ADGRG2: variants seen among roughly 807,000 people sequenced by gnomAD.
ADGRG2 encodes G protein-coupled receptor 64.
A neutral mutation model predicts 74.1 loss-of-function variants in ADGRG2; 26 were observed. That is an observed-to-expected ratio of 0.35 (90% CI 0.26 to 0.49). ADGRG2 has a LOEUF of 0.49. Among genes scored for constraint, ADGRG2 ranks in the 20% least tolerant of loss-of-function variants. The pLI is 0.99. For synonymous variants in ADGRG2, 296 were observed against 295.2 expected (o/e 1.00, Z -0.03); for missense variants, 619 against 763.1 (o/e 0.81, Z 2.22).
At chrX:19,039,078 T>G (rs768301924) in intron 4 of ADGRG2, among the ~76,000 whole-genome samples, 79 of 111,581 alleles carry the variant, frequency 7.1e-4, no homozygotes, top group African/African-American at 2.5e-3. Flanking sequence ...TCTTCACAAC[T>G]ACCCGACAAC....
chrX:19,036,814 C>G (rs1009002890), intron 6 of ADGRG2, among the ~76,000 whole-genome samples: 1 of 111,317 alleles, frequency 9.0e-6, no homozygotes, highest in African/African-American at 3.3e-5. Context: ...GATTGTTTAG[C>G]TCCTTAGCCA....
At chrX:19,044,234 T>C (rs1486154319) in intron 3 of ADGRG2, among the ~76,000 whole-genome samples, 1 of 111,381 alleles carries the variant, frequency 9.0e-6, no homozygotes, top group Admixed American at 9.6e-5. Flanking sequence ...TAGCAATACA[T>C]TGAGGGCCAT....
Position 19,010,117 on chromosome X carries a change from GT to G in ADGRG2, c.1266-336del, listed in dbSNP as rs1156836979. On this transcript the variant is annotated intron_variant, in intron 17 of 28. Transcript: ENST00000379869. ...AGCCATCGCGCCCAGCCTTGTTTTT[GT>G]TTTTGTTTTTTTTTTTTTTTGAGAC... is the stretch of plus-strand genomic sequence containing the variant. 5.1e-5 allele frequency among the ~76,000 whole-genome samples: 5 copies of G among 97,638 alleles called. No individual in the cohort carries two copies. The East Asian group carries it at 9.4e-4, about 18-fold the overall frequency. 84.8% of individuals were successfully genotyped at this position (97,638 alleles called of 115,157 possible).
chrX:19,112,984 A>G (rs1199541434), intron 1 of ADGRG2, among the ~76,000 whole-genome samples: 1 of 94,830 alleles, frequency 1.1e-5, no homozygotes, highest in Non-Finnish European at 1.9e-5. Flanking sequence ...AACAAAAAAA[A>G]AACCAAAAAA....
chrX:18,997,490 A>G (rs1175327776), intron 26 of ADGRG2, among the ~76,000 whole-genome samples: 1 of 112,200 alleles, frequency 8.9e-6, no homozygotes, highest in African/African-American at 3.2e-5. Flanking sequence ...CTTTTAAAGT[A>G]TCTATTACTT....
chrX:19,071,079 G>C (rs752475782), intron 2 of ADGRG2, among the ~76,000 whole-genome samples: 1 of 110,947 alleles, frequency 9.0e-6, no homozygotes, highest in Admixed American at 9.6e-5. Context: ...GAAAGAAAGG[G>C]GTTTTATAAG....
At chrX:19,118,136 C>T (rs1185321699) in intron 1 of ADGRG2, among the ~76,000 whole-genome samples, 2 of 111,288 alleles carry the variant, frequency 1.8e-5, no homozygotes, top group Non-Finnish European at 3.8e-5. Context: ...GGAAGCCTAG[C>T]CACTAAAGCA....
In ADGRG2 at chrX:19,010,697, T is replaced by C; in HGVS notation, c.1181A>G (p.Glu394Gly). ...GATCATTTCTCCTGCGAGGTTAGGC[T>C]CCAGGCTGCCCAAGGACAGAGCCTT... ...MEKALSLGSLEPNLAGEMINQ... is the reference protein window; with the variant it reads ...MEKALSLGSLGPNLAGEMINQ... The change falls in exon 17 of 29, where the codon GAG (glutamate) becomes GGG (glycine). Residue 394 changes from glutamate (E) to glycine (G), a missense_variant. Coordinates refer to ENST00000379869, the MANE Select transcript of ADGRG2 (RefSeq NM_001079858.3). The C allele has an allele frequency of 8.3e-7, 1 of 1,204,351 alleles. No homozygotes were observed. Among genetic ancestry groups the C allele is most frequent in the East Asian group, 3.0e-5 (1 of 33,735 alleles).
In ADGRG2 at chrX:19,010,923, G is replaced by T. The variant is rs550412893; in HGVS notation, c.1100-145C>A. 1.8e-5 allele frequency: 7 copies of T among 382,029 alleles called. No homozygotes were observed. The South Asian group carries it at 2.9e-4, about 16-fold the overall frequency. 31.5% of individuals were successfully genotyped at this position (382,029 alleles called of 1,213,427 possible). ...ACAAACATATGTCTTAGGAAGACTT[G>T]TTCATGAATGTTTATAGTGGCCTTT... On this transcript the variant is annotated intron_variant, in intron 16 of 28. Transcript: ENST00000379869.
At chrX:19,068,944 C>A in intron 2 of ADGRG2, 109 bp from the exon 3 acceptor site, 1 of 383,522 alleles carries the variant, frequency 2.6e-6, no homozygotes, top group Non-Finnish European at 4.6e-6. Flanking sequence ...CTGTGCACTT[C>A]AAATTGCTAT....
At chrX:19,075,617 CAAAAAAAAAAAA>C (rs61690480) in intron 2 of ADGRG2, among the ~76,000 whole-genome samples, 6 of 39,476 alleles carry the variant, frequency 1.5e-4, no homozygotes, top group African/African-American at 5.1e-4. Flanking sequence ...GACTTCGCCT[CAAAAAAAAAAAA>C]AAAAAAAAAA....
At chrX:19,066,387 T>C (rs934054077) in intron 3 of ADGRG2, among the ~76,000 whole-genome samples, 2 of 103,794 alleles carry the variant, frequency 1.9e-5, no homozygotes, top group African/African-American at 6.9e-5. Flanking sequence ...TTTCGTTGTG[T>C]GTCCTTGATG....
At chrX:19,002,354 C>A (rs1018318007) in intron 24 of ADGRG2, among the ~76,000 whole-genome samples, 1 of 111,552 alleles carries the variant, frequency 9.0e-6, no homozygotes, top group Non-Finnish European at 1.9e-5. Flanking sequence ...GTCATGCCCA[C>A]GTGGCAGTGA....
At chrX:19,055,626 T>C (rs2061399645) in intron 3 of ADGRG2, among the ~76,000 whole-genome samples, 1 of 111,039 alleles carries the variant, frequency 9.0e-6, no homozygotes, top group African/African-American at 3.3e-5. Context: ...TAGTATTTAC[T>C]GAGTTCTCAC....
At chrX:19,010,815 A>G in intron 16 of ADGRG2, 37 bp from the exon 17 acceptor site, 2 of 1,056,482 alleles carry the variant, frequency 1.9e-6, no homozygotes, top group East Asian at 3.1e-5. Flanking sequence ...TGAACACACA[A>G]TGGAAAACCC....
At chrX:19,090,708 AT>A (rs11293957) in intron 1 of ADGRG2, among the ~76,000 whole-genome samples, 37,215 of 105,453 alleles carry the variant, frequency 0.35, 5,936 homozygotes, top group African/African-American at 0.6. Context: ...TGAATGATGT[AT>A]TTTTTTTTTG....
chrX:19,100,671 T>G (rs1387864709), intron 1 of ADGRG2, among the ~76,000 whole-genome samples: 2 of 113,653 alleles, frequency 1.8e-5, no homozygotes, highest in African/African-American at 6.4e-5. Flanking sequence ...AAGTTTTGTC[T>G]GCTTGGTTTA....
At chrX:19,096,637 C>G (rs1374215607) in intron 1 of ADGRG2, among the ~76,000 whole-genome samples, 3 of 111,379 alleles carry the variant, frequency 2.7e-5, no homozygotes, top group Non-Finnish European at 5.6e-5. Flanking sequence ...ATTGTCAAAG[C>G]CTTTTCACTA....
chrX:18,996,961 G>A (rs2148098349), intron 26 of ADGRG2, among the ~76,000 whole-genome samples: 2 of 111,874 alleles, frequency 1.8e-5, no homozygotes, highest in Middle Eastern at 4.7e-3. Flanking sequence ...GGTGGCTCAC[G>A]CCTGTAATCT....
Sources: gnomAD v4.1 joint callset for allele counts (sites outside exome capture counted in the v4.1 genomes callset) on GRCh38, gnomAD v4.1.1 for gene constraint, MANE v1.5 for transcripts, NCBI Gene and HGNC (gene_info 2026-07-23, HGNC 2026-07-21) for gene names.